Variants in ACOT7 observed in about 807,000 individuals in gnomAD.
ACOT7 encodes the protein cytosolic acyl coenzyme A thioester hydrolase.
Under a neutral mutation model 40.2 loss-of-function variants are expected in ACOT7, and 12 were observed. The ratio of observed to expected loss-of-function variants is 0.30; its 90% CI spans 0.19 to 0.48. The LOEUF (loss-of-function observed/expected upper bound fraction) is 0.48, where lower values mean the gene tolerates loss of function less well. Among genes scored for constraint, ACOT7 ranks in the 20% least tolerant of loss-of-function variants. The probability of loss-of-function intolerance (pLI) is 0.99; values close to 1 mark genes in which losing one functional copy is unlikely to be tolerated. For synonymous variants in ACOT7, 228 were observed against 219.5 expected, an observed-to-expected ratio of 1.04 and a Z score of -0.34; for missense variants, 395 against 530.8, an observed-to-expected ratio of 0.74 and a Z score of 2.51.
intron 1 of ACOT7, among the ~76,000 whole-genome samples, chr1:6,379,893 T>C (rs1255762692): frequency 6.6e-6 from 1 of 151,512 alleles, no homozygotes; most frequent in Non-Finnish European, 1.5e-5. Flanking sequence ...AAACTCTGTC[T>C]CTGCTGGAAA....
At chr1:6,318,845 A>C (rs1368228023) in intron 5 of ACOT7, among the ~76,000 whole-genome samples, 2 of 152,188 alleles carry the variant, frequency 1.3e-5, no homozygotes, top group South Asian at 2.1e-4. Flanking sequence ...GGCCCTGCCC[A>C]GGGGTAGCCA....
chr1:6,375,497 A>C (rs1571351940), intron 1 of ACOT7, among the ~76,000 whole-genome samples: 1 of 151,772 alleles, frequency 6.6e-6, no homozygotes, highest in East Asian at 2.0e-4. Context: ...GAGAAACCCC[A>C]AAAATTAGCT....
chr1:6,329,357 C>T (rs1490434742), intron 4 of ACOT7, among the ~76,000 whole-genome samples: 1 of 152,196 alleles, frequency 6.6e-6, no homozygotes, highest in Admixed American at 6.5e-5. Context: ...TCAACCTTTT[C>T]CTCCATAAAT....
intron 6 of ACOT7, among the ~76,000 whole-genome samples, chr1:6,300,318 C>T (rs1351039022): frequency 1.3e-5 from 2 of 152,140 alleles, no homozygotes; most frequent in Non-Finnish European, 2.9e-5. Flanking sequence ...CTGAGGGCAG[C>T]GGCTGGCATT....
chr1:6,273,585 C>T (rs1328471347), intron 8 of ACOT7, among the ~76,000 whole-genome samples: 1 of 152,332 alleles, frequency 6.6e-6, no homozygotes, highest in Admixed American at 6.5e-5. Flanking sequence ...TGGCCAAACG[C>T]GGCAGGCGGT....
intron 4 of ACOT7, among the ~76,000 whole-genome samples, chr1:6,329,187 C>G (rs1640888120): frequency 6.6e-6 from 1 of 152,242 alleles, no homozygotes; most frequent in Non-Finnish European, 1.5e-5. Context: ...TGGCTCAGCT[C>G]CAAAATTGTG....
At chr1:6,270,273 G>A (rs745352454) in intron 8 of ACOT7, among the ~76,000 whole-genome samples, 11 of 152,232 alleles carry the variant, frequency 7.2e-5, no homozygotes, top group East Asian at 3.9e-4. Flanking sequence ...AAATGCATAC[G>A]CTGTTGGCTG....
chr1:6,285,622 T>G (rs1316953273), intron 7 of ACOT7, among the ~76,000 whole-genome samples: 1 of 152,128 alleles, frequency 6.6e-6, no homozygotes, highest in Non-Finnish European at 1.5e-5. Flanking sequence ...CCACCAAATG[T>G]GGAGGCGGGT....
Position 6,299,665 on chromosome 1 carries a change from A to AGTGTGTGTGT in ACOT7, c.713-4695_713-4686dup, listed in dbSNP as rs3838286. On this transcript the variant is annotated intron_variant, in intron 6 of 8. Coordinates refer to ENST00000361521, the MANE Select transcript of ACOT7 (RefSeq NM_007274.4). The surrounding 1 kb of genome is among the most constrained non-coding windows in gnomAD (Gnocchi z 4.1). Reference sequence around the variant, plus strand: ...CAGAGAGAGAGAGAGAGAGAGCGCAAGTGTGTGTGTGTGTGTGTGTGTGTG... The same window carrying AGTGTGTGTGT: ...CAGAGAGAGAGAGAGAGAGAGCGCAAGTGTGTGTGTGTGTGTGTGTGTGTGTGTGTGTGTG... Among the ~76,000 whole-genome samples the AGTGTGTGTGT allele has an allele frequency of 3.4e-4, 50 of 148,546 alleles. No homozygotes were observed. The highest frequency in any genetic ancestry group is 9.4e-4 in the African/African-American group (38 of 40,344).
At chr1:6,383,345 G>A (rs974514754) in intron 1 of ACOT7, among the ~76,000 whole-genome samples, 2 of 148,756 alleles carry the variant, frequency 1.3e-5, no homozygotes, top group Non-Finnish European at 3.0e-5. Context: ...CCACCATGAC[G>A]CCTGGCTAAT....
chr1:6,367,018 G>A (rs1244417445), intron 1 of ACOT7, among the ~76,000 whole-genome samples: 1 of 151,896 alleles, frequency 6.6e-6, no homozygotes. Flanking sequence ...CTAACATGGT[G>A]AAACCCCTTC....
intron 1 of ACOT7, among the ~76,000 whole-genome samples, chr1:6,392,649 G>A (rs976359372): frequency 2.0e-5 from 3 of 152,132 alleles, no homozygotes; most frequent in Admixed American, 6.6e-5. Flanking sequence ...AACTGTTAGA[G>A]GTAGACAGTA....
chr1:6,307,181 G>A (rs1267131069), intron 6 of ACOT7, among the ~76,000 whole-genome samples: 1 of 152,262 alleles, frequency 6.6e-6, no homozygotes, highest in South Asian at 2.1e-4. Flanking sequence ...AGCACGGCGG[G>A]GCTCGGCACA....
intron 6 of ACOT7, among the ~76,000 whole-genome samples, chr1:6,298,702 G>A (rs182008363): frequency 1.3e-5 from 2 of 152,242 alleles, no homozygotes; most frequent in Non-Finnish European, 1.5e-5. Context: ...ATTGGAAATA[G>A]AAGGTGCAGG....
chr1:6,273,308 C>T (rs901591084), intron 8 of ACOT7, among the ~76,000 whole-genome samples: 1 of 152,214 alleles, frequency 6.6e-6, no homozygotes, highest in African/African-American at 2.4e-5. Context: ...CTGCGCCAAC[C>T]TCCTTCTCAG....
At chr1:6,370,309 T>C (rs1642104191) in intron 1 of ACOT7, among the ~76,000 whole-genome samples, 1 of 152,122 alleles carries the variant, frequency 6.6e-6, no homozygotes, top group Admixed American at 6.6e-5. Context: ...AATAAAGCTC[T>C]TTCCTTCATA....
Position 6,299,931 on chromosome 1 carries a change from A to G in ACOT7, c.713-4951T>C, listed in dbSNP as rs571176906. On this transcript the variant is annotated intron_variant, in intron 6 of 8. Transcript: ENST00000361521. This position sits in a 1 kb window ranked among gnomAD's most constrained non-coding sequence, Gnocchi z 4.1. ...CCAACAGAAGCTCTGTCAGCCTCCA[A>G]TGGGGGCCAGGACCAGCTGCATTTG... Among the ~76,000 whole-genome samples the G allele has an allele frequency of 3.3e-5, 5 of 152,256 alleles. No homozygotes were observed. The highest frequency in any genetic ancestry group is 2.1e-4 in the South Asian group (1 of 4,824).
chr1:6,316,261 C>T (rs1043129854), intron 6 of ACOT7, among the ~76,000 whole-genome samples: 8 of 152,014 alleles, frequency 5.3e-5, no homozygotes, highest in Non-Finnish European at 8.8e-5. Flanking sequence ...CCCTGGAATT[C>T]GAGGGAGGAC....
rs1358471971 is a variant in ACOT7, at chr1:6,278,924, G to A, written c.1014+2178C>T. On this transcript the variant is annotated intron_variant, in intron 8 of 8. Transcript: ENST00000361521. The surrounding 1 kb of genome is among the most constrained non-coding windows in gnomAD (Gnocchi z 4.1). ...CTGCCCGCAGAGGGAAGACAGAACT[G>A]GGAAAGTTTGTCCAGGAGGCAGGAA... Among the ~76,000 whole-genome samples the A allele has an allele frequency of 6.6e-6, 1 of 152,192 alleles. No individual in the cohort carries two copies. The highest frequency in any genetic ancestry group is 2.4e-5 in the African/African-American group (1 of 41,444).
Sources: allele counts gnomAD v4.1 joint callset (sites outside exome capture counted in the v4.1 genomes callset), GRCh38; gene constraint gnomAD v4.1.1; non-coding constraint Gnocchi (gnomAD v3.1); transcripts MANE v1.5; gene names NCBI Gene and HGNC (gene_info 2026-07-23, HGNC 2026-07-21).